CNTN5: variants seen among roughly 807,000 people sequenced by gnomAD.
The protein encoded by CNTN5 is contactin 5, also known as contactin-5.
A neutral mutation model predicts 129.1 loss-of-function variants in CNTN5; 77 were observed. The observed-to-expected ratio is 0.60, with a 90% CI of 0.50 to 0.72. The LOEUF (loss-of-function observed/expected upper bound fraction) is 0.72. CNTN5 is among the 30% of genes least tolerant of loss of function. The probability of loss-of-function intolerance (pLI) is 0.00; values close to 1 mark genes in which losing one functional copy is unlikely to be tolerated. For missense variants in CNTN5, 1,478 were observed against 1,328.8 expected (o/e 1.11, Z -1.75); for synonymous variants, 509 against 465.6 (o/e 1.09, Z -1.20).
At chr11:99,851,021 T>A (rs2135723983) in intron 6 of CNTN5, among the ~76,000 whole-genome samples, 1 of 122,308 alleles carries the variant, frequency 8.2e-6, no homozygotes, top group African/African-American at 3.2e-5. Context: ...TGATTAATTT[T>A]TTTTTCTAAT....
intron 2 of CNTN5, among the ~76,000 whole-genome samples, chr11:99,375,040 C>T (rs569249633): frequency 1.3e-5 from 2 of 152,176 alleles, no homozygotes; most frequent in African/African-American, 4.8e-5. Context: ...TGATGGTTCA[C>T]GCCTGTAATC....
At chr11:99,894,705 A>G (rs1440783893) in intron 6 of CNTN5, among the ~76,000 whole-genome samples, 1 of 152,134 alleles carries the variant, frequency 6.6e-6, no homozygotes, top group Non-Finnish European at 1.5e-5. Context: ...AAGTTTTTTC[A>G]CCTTACTAAT....
chr11:99,329,329 T>G (rs1865910911), intron 2 of CNTN5, among the ~76,000 whole-genome samples: 1 of 152,198 alleles, frequency 6.6e-6, no homozygotes, highest in African/African-American at 2.4e-5. Context: ...GTATGCAAAA[T>G]ATCTCCTATA....
At chr11:99,249,528 T>A (rs1861991156) in intron 1 of CNTN5, among the ~76,000 whole-genome samples, 1 of 152,010 alleles carries the variant, frequency 6.6e-6, no homozygotes, top group Non-Finnish European at 1.5e-5. Flanking sequence ...CAACCAGAAG[T>A]GCTCACAGAT....
intron 1 of CNTN5, among the ~76,000 whole-genome samples, chr11:99,277,104 A>G (rs989510026): frequency 4.0e-5 from 6 of 151,698 alleles, no homozygotes; most frequent in Admixed American, 2.6e-4. Context: ...ATCTTTGCTA[A>G]TCATATACAT....
At chr11:99,273,130 C>A (rs1345416050) in intron 1 of CNTN5, among the ~76,000 whole-genome samples, 3 of 151,604 alleles carry the variant, frequency 2.0e-5, no homozygotes, top group African/African-American at 7.3e-5. Context: ...TAATTAGATA[C>A]GTAAATCCTA....
At chr11:99,110,902 A>G (rs532789765) in intron 1 of CNTN5, among the ~76,000 whole-genome samples, 252 of 152,292 alleles carry the variant, frequency 1.7e-3, no homozygotes, top group Non-Finnish European at 2.9e-3. Context: ...TGACCAATAT[A>G]TAAAACTTTG....
At chr11:100,309,419 A>C in intron 21 of CNTN5, 1 of 968,986 alleles carries the variant, frequency 1.0e-6, no homozygotes, top group Non-Finnish European at 1.2e-6. Flanking sequence ...TCTATGATAA[A>C]AAAATTTATA....
intron 1 of CNTN5, among the ~76,000 whole-genome samples, chr11:99,128,378 G>A (rs545679615): frequency 1.6e-4 from 24 of 152,276 alleles, no homozygotes; most frequent in South Asian, 4.1e-4. Flanking sequence ...GGCAGATCAC[G>A]GCCAGACTGC....
intron 2 of CNTN5, among the ~76,000 whole-genome samples, chr11:99,463,140 T>TAAATAAATAAATAAAC (rs1462854674): frequency 1.9e-4 from 28 of 147,294 alleles, no homozygotes; most frequent in African/African-American, 7.0e-4. Flanking sequence ...AATAAATAAA[T>TAAATAAATAAATAAAC]AAATAAAAGT....
At chr11:99,875,803 CAATG>C (rs1318883192) in intron 6 of CNTN5, among the ~76,000 whole-genome samples, 7 of 152,168 alleles carry the variant, frequency 4.6e-5, no homozygotes, top group Admixed American at 3.3e-4. Context: ...ATAAATGACT[CAATG>C]AATAAATCAG....
chr11:99,994,729 T>G (rs1340616851), intron 8 of CNTN5, among the ~76,000 whole-genome samples: 1 of 152,210 alleles, frequency 6.6e-6, no homozygotes, highest in Non-Finnish European at 1.5e-5. Flanking sequence ...CACAAGAGCA[T>G]TCATAGGTAG....
chr11:99,419,349 T>C (rs72989820), intron 2 of CNTN5, among the ~76,000 whole-genome samples: 3,422 of 152,292 alleles, frequency 0.022, 46 homozygotes, highest in Middle Eastern at 0.058. Flanking sequence ...GAATGGATAA[T>C]GAAACTAAGT....
chr11:99,518,384 T>C (rs1300226712), intron 2 of CNTN5, among the ~76,000 whole-genome samples: 5 of 152,030 alleles, frequency 3.3e-5, no homozygotes, highest in African/African-American at 9.7e-5. Context: ...TAGAAAACAT[T>C]TATCAACAAA....
At chr11:99,735,092 A>AT (rs1338023179) in intron 3 of CNTN5, among the ~76,000 whole-genome samples, 1 of 152,142 alleles carries the variant, frequency 6.6e-6, no homozygotes, top group Non-Finnish European at 1.5e-5. Flanking sequence ...AGGTTCATTT[A>AT]TTTTTTTCTA....
At chr11:99,423,544 C>T (rs983128752) in intron 2 of CNTN5, among the ~76,000 whole-genome samples, 8 of 152,184 alleles carry the variant, frequency 5.3e-5, no homozygotes, top group African/African-American at 9.7e-5. Context: ...AAAATGGGAA[C>T]GGAGGAAAAT....
In CNTN5 at chr11:100,299,205, T is replaced by A; in HGVS notation, c.2429T>A (p.Ile810Asn). Residue 810 changes from isoleucine (I) to asparagine (N), a missense_variant, in exon 20 of 25, where the codon ATT becomes AAT. Transcript: ENST00000524871. ...CAGAATGGGGAAGGCTTCGGCTATA[T>A]TGTGGCTTTCAGACCCAATGGAACA... ...EFQNGEGFGYIVAFRPNGTRG... is the reference protein window; with the variant it reads ...EFQNGEGFGYNVAFRPNGTRG... The A allele has an allele frequency of 6.2e-7, 1 of 1,609,792 alleles. No individual in the cohort carries two copies. Among genetic ancestry groups the A allele is most frequent in the South Asian group, 1.1e-5 (1 of 90,910 alleles).
At chr11:100,188,769 T>A (rs4615992) in intron 13 of CNTN5, among the ~76,000 whole-genome samples, 18,297 of 152,146 alleles carry the variant, frequency 0.12, 1,260 homozygotes, top group Non-Finnish European at 0.15. Flanking sequence ...TCTACCAAAA[T>A]GAAATACTCA....
rs748064252 is a variant in CNTN5, at chr11:100,002,134, C to G, written c.978C>G (p.Gly326=). 6.5e-7 allele frequency: 1 copy of G among 1,535,380 alleles called. No homozygotes were observed. Among genetic ancestry groups the G allele is most frequent in the Admixed American group, 2.3e-5 (1 of 44,428 alleles). ...TTAAGATGGAATGCTTTGCACTTGG[C>G]AAGTAAGTACATGTTCTTCCATAAT... ...TTVKMECFAL[G]NPVPTITWMK... Residue 326 remains glycine (G), a splice_region_variant and synonymous_variant, in exon 9 of 25, where the codon GGC becomes GGG. Transcript: ENST00000524871.
Sources: allele counts gnomAD v4.1 joint callset (sites outside exome capture counted in the v4.1 genomes callset), GRCh38; gene constraint gnomAD v4.1.1; transcripts MANE v1.5; gene names NCBI Gene and HGNC (gene_info 2026-07-23, HGNC 2026-07-21).